The following PARD3B variants were observed in gnomAD, a reference collection of about 807,000 sequenced individuals.
PARD3B encodes par-3 family cell polarity regulator beta.
PARD3B carries 103 observed loss-of-function variants against 130.2 expected under a neutral mutation model. The ratio of observed to expected loss-of-function variants is 0.79; its 90% CI spans 0.67 to 0.93. The LOEUF (loss-of-function observed/expected upper bound fraction) is 0.93. Among genes scored for constraint, PARD3B ranks in the 40% least tolerant of loss-of-function variants. The pLI, the probability that PARD3B is intolerant of heterozygous loss-of-function variation, is 0.00. For missense variants in PARD3B, 1,609 were observed against 1,499.2 expected (o/e 1.07, Z -1.21); for synonymous variants, 583 against 553.2 (o/e 1.05, Z -0.76).
intron 2 of PARD3B, among the ~76,000 whole-genome samples, chr2:204,839,865 T>C (rs2044198248): frequency 1.3e-5 from 2 of 152,190 alleles, no homozygotes; most frequent in South Asian, 4.1e-4. Context: ...ACAGCTCTCA[T>C]TGTCTGTAAG....
At chr2:205,561,822 G>A (rs1022448547) in intron 22 of PARD3B, among the ~76,000 whole-genome samples, 4 of 152,176 alleles carry the variant, frequency 2.6e-5, no homozygotes, top group Admixed American at 2.6e-4. Flanking sequence ...ATCTGCATAT[G>A]ACGGGGTTTA....
rs576791116 is a variant in PARD3B, at chr2:204,733,174, G to A, written c.222+46892G>A. Among the ~76,000 whole-genome samples, 6 of 152,164 alleles carry A rather than the reference G, an allele frequency of 3.9e-5. No individual in the cohort carries two copies. The South Asian group carries it at 8.3e-4, about 21-fold the overall frequency. ...ATTTTGAGCATCAAAAAAGAATAAC[G>A]ACTGTAATAGATTGCAATATATTGA... is the stretch of plus-strand genomic sequence containing the variant. On this transcript the variant is annotated intron_variant, in intron 2 of 22. Coordinates refer to ENST00000406610, the MANE Select transcript of PARD3B (RefSeq NM_001302769.2).
intron 21 of PARD3B, among the ~76,000 whole-genome samples, chr2:205,533,013 G>A (rs138117153): frequency 2.0e-5 from 3 of 152,086 alleles, no homozygotes. Flanking sequence ...CCTTTCAGTG[G>A]AATCAATGGA....
intron 3 of PARD3B, among the ~76,000 whole-genome samples, chr2:205,005,351 G>A (rs960182307): frequency 5.9e-5 from 9 of 152,180 alleles, no homozygotes; most frequent in African/African-American, 2.2e-4. Context: ...AAGAATTTGA[G>A]TCCTCATTTT....
At chr2:205,145,286 T>C (rs2033268765) in intron 10 of PARD3B, among the ~76,000 whole-genome samples, 1 of 151,914 alleles carries the variant, frequency 6.6e-6, no homozygotes, top group African/African-American at 2.4e-5. Context: ...CTAATTGTCT[T>C]TCTGTACAGA....
At chr2:204,676,550 A>C (rs551708171) in intron 1 of PARD3B, among the ~76,000 whole-genome samples, 1 of 152,008 alleles carries the variant, frequency 6.6e-6, no homozygotes, top group Non-Finnish European at 1.5e-5. Flanking sequence ...GGATCACAGA[A>C]GTTCCACGTC....
At chr2:204,568,942 G>A (rs2031835796) in intron 1 of PARD3B, among the ~76,000 whole-genome samples, 1 of 139,342 alleles carries the variant, frequency 7.2e-6, no homozygotes, top group Admixed American at 6.9e-5. Flanking sequence ...GTGACAGAGT[G>A]AGACTGTCTC....
chr2:204,614,974 C>T (rs2034057589), intron 1 of PARD3B, among the ~76,000 whole-genome samples: 1 of 152,132 alleles, frequency 6.6e-6, no homozygotes. Flanking sequence ...ACGCAAATTA[C>T]TCACTTTTAT....
At chr2:205,043,799 T>A (rs182983212) in intron 3 of PARD3B, among the ~76,000 whole-genome samples, 59 of 152,186 alleles carry the variant, frequency 3.9e-4, no homozygotes, top group East Asian at 1.5e-3. Flanking sequence ...GTCTTTTTTT[T>A]AAATTTTTTA....
At chr2:205,196,238 A>G (rs916649684) in intron 15 of PARD3B, among the ~76,000 whole-genome samples, 19 of 152,206 alleles carry the variant, frequency 1.2e-4, no homozygotes, top group African/African-American at 4.3e-4. Context: ...TAATAGTTGC[A>G]TAGTGTTACA....
chr2:205,548,249 C>T (rs1014086102), intron 21 of PARD3B, among the ~76,000 whole-genome samples: 1 of 151,938 alleles, frequency 6.6e-6, no homozygotes, highest in Non-Finnish European at 1.5e-5. Flanking sequence ...TTTCTGGTAC[C>T]ATCTGTATGC....
chr2:205,143,262 G>C (rs1162199851), intron 10 of PARD3B, among the ~76,000 whole-genome samples: 1 of 152,136 alleles, frequency 6.6e-6, no homozygotes, highest in African/African-American at 2.4e-5. Context: ...TGACTAAAAA[G>C]ATTCATCCAC....
chr2:205,615,403 G>C, intron 22 of PARD3B, 53 bp from the exon 23 acceptor site: 1 of 1,472,626 alleles, frequency 6.8e-7, no homozygotes, highest in South Asian at 1.3e-5. Context: ...ATGTTCTCCA[G>C]CCGGACGGCC....
rs183795374 is a variant in PARD3B at position 204,961,307 on chromosome 2, G to C, written c.223-3845G>C. ...CTGTTAAGAAACACATGGTAGCTGG[G>C]TCCAAAGTGGTGACACTGGAGGTGG... On this transcript the variant is annotated intron_variant, in intron 2 of 22. Transcript: ENST00000406610. Among the ~76,000 whole-genome samples the C allele has an allele frequency of 4.6e-5, 7 of 152,218 alleles. No individual in the cohort carries two copies. In the East Asian group the frequency reaches 1.4e-3, roughly 29 times the overall value.
intron 20 of PARD3B, among the ~76,000 whole-genome samples, chr2:205,454,537 A>G (rs1316945484): frequency 6.6e-6 from 1 of 152,144 alleles, no homozygotes; most frequent in Non-Finnish European, 1.5e-5. Context: ...TTCAGGAGCC[A>G]TTGTTTTGCA....
chr2:204,903,564 A>G (rs2046942352), intron 2 of PARD3B, among the ~76,000 whole-genome samples: 1 of 152,210 alleles, frequency 6.6e-6, no homozygotes, highest in Non-Finnish European at 1.5e-5. Flanking sequence ...AAGAATACTT[A>G]CATGTTGCAA....
At position 205,172,242 on chromosome 2, in the gene PARD3B, T is replaced by C; in HGVS notation, c.1652T>C (p.Ile551Thr). The change falls in exon 12 of 23, where the codon ATT becomes ACT. Residue 551 changes from isoleucine to threonine, a missense_variant. Coordinates refer to ENST00000406610, the MANE Select transcript of PARD3B (RefSeq NM_001302769.2). ...DGRLRMNDQL[I>T]AVNGESLLGK... is the part of the protein sequence containing the mutation. ...CGTCTGCGAATGAATGACCAGCTGA[T>C]TGCAGTTAATGGGGAATCTCTTTTG... is the stretch of plus-strand genomic sequence containing the variant. 2 of 1,614,204 alleles carry C rather than the reference T, an allele frequency of 1.2e-6. No individual in the cohort carries two copies. The highest frequency in any genetic ancestry group is 8.5e-7 in the Non-Finnish European group (1 of 1,180,026).
chr2:204,727,019 G>T (rs1427240931), intron 2 of PARD3B, among the ~76,000 whole-genome samples: 4 of 152,166 alleles, frequency 2.6e-5, no homozygotes, highest in African/African-American at 9.7e-5. Flanking sequence ...TGCACGTTCT[G>T]CTGTTCACAT....
chr2:205,228,866 T>C (rs1247857041), intron 15 of PARD3B, among the ~76,000 whole-genome samples: 1 of 152,236 alleles, frequency 6.6e-6, no homozygotes, highest in Non-Finnish European at 1.5e-5. Flanking sequence ...TTTCTTTTGC[T>C]TGATCAGTTC....
Sources: allele counts gnomAD v4.1 joint callset (sites outside exome capture counted in the v4.1 genomes callset), GRCh38; gene constraint gnomAD v4.1.1; transcripts MANE v1.5; gene names NCBI Gene and HGNC (gene_info 2026-07-23, HGNC 2026-07-21).